Variants in TRPM3 observed in about 807,000 individuals in gnomAD.
TRPM3 encodes the protein transient receptor potential cation channel subfamily M member 3, also known as long transient receptor potential channel 3.
Under a neutral mutation model 181.2 loss-of-function variants are expected in TRPM3, and 77 were observed. The observed-to-expected ratio is 0.42, with a 90% CI of 0.35 to 0.51. The LOEUF is 0.51. TRPM3 is among the 20% of genes least tolerant of loss of function. The pLI, the probability that TRPM3 is intolerant of heterozygous loss-of-function variation, is 0.01. For missense variants in TRPM3, 1,759 were observed against 2,196.7 expected (o/e 0.80, Z 3.98); for synonymous variants, 745 against 796.4 (o/e 0.94, Z 1.09).
At chr9:71,106,214 C>T (rs79848563) in intron 1 of TRPM3, among the ~76,000 whole-genome samples, 2,209 of 152,216 alleles carry the variant, frequency 0.015, 44 homozygotes, top group East Asian at 0.077. Context: ...CTCAGTGATA[C>T]GCCACTATTG....
At chr9:71,375,081 G>GA (rs1355905128) in intron 1 of TRPM3, among the ~76,000 whole-genome samples, 1 of 152,054 alleles carries the variant, frequency 6.6e-6, no homozygotes. Context: ...CACAGAACTA[G>GA]AAAAAACTAT....
intron 6 of TRPM3, among the ~76,000 whole-genome samples, chr9:70,823,713 A>C (rs532927853): frequency 6.6e-6 from 1 of 152,336 alleles, no homozygotes; most frequent in African/African-American, 2.4e-5. Flanking sequence ...AAGCTCAATG[A>C]ATTGTTAATT....
intron 1 of TRPM3, among the ~76,000 whole-genome samples, chr9:70,874,768 G>A (rs1289674286): frequency 1.3e-5 from 2 of 151,682 alleles, no homozygotes; most frequent in African/African-American, 4.8e-5. Context: ...AGGATGAAGA[G>A]GCAAACCAGA....
intron 1 of TRPM3, among the ~76,000 whole-genome samples, chr9:71,247,353 CAAAA>C (rs34584730): frequency 4.1e-4 from 34 of 82,306 alleles, no homozygotes; most frequent in African/African-American, 1.8e-3. Context: ...GACTCTGTCT[CAAAA>C]AAAAAAAAAA....
At chr9:71,330,242 T>C (rs1260669019) in intron 1 of TRPM3, among the ~76,000 whole-genome samples, 10 of 151,850 alleles carry the variant, frequency 6.6e-5, no homozygotes, top group Non-Finnish European at 1.3e-4. Context: ...AAAACTAGAT[T>C]GCAGATTTTT....
chr9:71,412,696 C>A (rs1242143866), intron 1 of TRPM3, among the ~76,000 whole-genome samples: 2 of 152,122 alleles, frequency 1.3e-5, no homozygotes, highest in East Asian at 3.9e-4. Flanking sequence ...GTGGTGATTC[C>A]TCAAGGATCT....
At chr9:71,342,801 T>C (rs1371893531) in intron 1 of TRPM3, among the ~76,000 whole-genome samples, 1 of 152,092 alleles carries the variant, frequency 6.6e-6, no homozygotes, top group Non-Finnish European at 1.5e-5. Context: ...GTAAAAAAAT[T>C]GGAATGAGCC....
intron 22 of TRPM3, among the ~76,000 whole-genome samples, chr9:70,567,729 A>C (rs932411558): frequency 1.3e-5 from 2 of 152,172 alleles, no homozygotes; most frequent in African/African-American, 4.8e-5. Context: ...TTCCACTTAT[A>C]TCCCTTGTCG....
chr9:70,874,909 A>T lies in TRPM3; in HGVS notation c.178-10398T>A, dbSNP rs186147600. 5.9e-5 allele frequency among the ~76,000 whole-genome samples: 9 copies of T among 152,046 alleles called. No homozygotes were observed. The East Asian group carries it at 1.7e-3, about 29-fold the overall frequency. On this transcript the variant is annotated intron_variant, in intron 1 of 25. Transcript: ENST00000677713. ...CTATATGTATGTATACATGTATATT[A>T]TATATGCACACCATTTTTATTTTTA...
At chr9:71,135,415 T>C (rs1482298096) in intron 1 of TRPM3, among the ~76,000 whole-genome samples, 1 of 152,184 alleles carries the variant, frequency 6.6e-6, no homozygotes, top group Non-Finnish European at 1.5e-5. Context: ...AGTAGCAATG[T>C]GAACTCTGTC....
chr9:70,861,238 C>A (rs2095511953), intron 3 of TRPM3, among the ~76,000 whole-genome samples: 1 of 152,094 alleles, frequency 6.6e-6, no homozygotes, highest in African/African-American at 2.4e-5. Context: ...ATACAGACTG[C>A]TTTTCTCTTG....
intron 22 of TRPM3, among the ~76,000 whole-genome samples, chr9:70,576,714 C>T (rs914262028): frequency 6.6e-6 from 1 of 152,028 alleles, no homozygotes; most frequent in Non-Finnish European, 1.5e-5. Context: ...GGGGTTTCAC[C>T]ATCTTGGCCA....
At chr9:71,255,648 T>C (rs1324760978) in intron 1 of TRPM3, among the ~76,000 whole-genome samples, 2 of 152,262 alleles carry the variant, frequency 1.3e-5, no homozygotes, top group East Asian at 3.8e-4. Context: ...TGAGTCTTTG[T>C]TGAACTGTGT....
chr9:71,082,779 T>C lies in TRPM3; in HGVS notation c.177+38399A>G, dbSNP rs150024150. 2.6e-5 allele frequency among the ~76,000 whole-genome samples: 4 copies of C among 152,056 alleles called. No homozygotes were observed. The East Asian group carries it at 7.7e-4, about 29-fold the overall frequency. ...ATGGTTAATGATGTAACCAAGGGGG[T>C]GGTTTTACCAGGAACAGTGCTTCTG... On this transcript the variant is annotated intron_variant, in intron 1 of 25. Coordinates refer to ENST00000677713, the MANE Select transcript of TRPM3 (RefSeq NM_001366145.2).
chr9:71,445,451 A>G lies in TRPM3; in HGVS notation c.183+1202T>C, dbSNP rs571770255. 3.9e-4 allele frequency among the ~76,000 whole-genome samples: 60 copies of G among 152,330 alleles called. 1 individual carries two copies. The highest frequency in any genetic ancestry group is 1.4e-3 in the African/African-American group (57 of 41,570). On this transcript the variant is annotated intron_variant, in intron 1 of 24. Transcript: ENST00000357533. ...TCACTTGCCTTTTTAGCGGTGCTAT[A>G]CCCATATTTAGATGAAAAAACCTGC... is the stretch of plus-strand genomic sequence containing the variant.
intron 6 of TRPM3, 36 bp downstream of exon 6, chr9:70,827,811 C>A: frequency 6.2e-7 from 1 of 1,604,140 alleles, no homozygotes. Context: ...AGCATACCTC[C>A]TACGAGCCAT....
chr9:71,047,672 A>G (rs1313781367), intron 1 of TRPM3, among the ~76,000 whole-genome samples: 1 of 152,230 alleles, frequency 6.6e-6, no homozygotes, highest in Non-Finnish European at 1.5e-5. Flanking sequence ...ACCATAAGCA[A>G]GAACTCATTC....
chr9:71,247,654 C>A (rs889108983), intron 1 of TRPM3, among the ~76,000 whole-genome samples: 1 of 152,068 alleles, frequency 6.6e-6, no homozygotes, highest in African/African-American at 2.4e-5. Flanking sequence ...TGATGAAATT[C>A]ATATGAGCTG....
intron 1 of TRPM3, among the ~76,000 whole-genome samples, chr9:70,981,045 C>T (rs1484936385): frequency 6.6e-6 from 1 of 152,114 alleles, no homozygotes; most frequent in Non-Finnish European, 1.5e-5. Context: ...TGGGGAAGCT[C>T]GAGTCACATT....
Sources: gnomAD v4.1 joint callset for allele counts (sites outside exome capture counted in the v4.1 genomes callset) on GRCh38, gnomAD v4.1.1 for gene constraint, MANE v1.5 for transcripts, NCBI Gene and HGNC (gene_info 2026-07-23, HGNC 2026-07-21) for gene names.